The following CAMKMT variants were observed in gnomAD, a reference collection of about 807,000 sequenced individuals.
CAMKMT encodes the protein calmodulin-lysine N-methyltransferase.
CAMKMT carries 53 observed loss-of-function variants against 48.0 expected under a neutral mutation model. The observed-to-expected ratio is 1.10, with a 90% confidence interval of 0.89 to 1.39. The LOEUF is 1.39. Ranked by LOEUF, CAMKMT falls within the 40% of genes most tolerant of loss-of-function variation. The pLI is 0.00. For synonymous variants in CAMKMT, 165 were observed against 152.3 expected, an observed-to-expected ratio of 1.08 and a Z score of -0.61; for missense variants, 428 against 402.7, an observed-to-expected ratio of 1.06 and a Z score of -0.54.
At chr2:44,516,866 C>T (rs988951474) in intron 3 of CAMKMT, among the ~76,000 whole-genome samples, 3 of 151,756 alleles carry the variant, frequency 2.0e-5, no homozygotes, top group Non-Finnish European at 4.4e-5. Flanking sequence ...CTCAGCCTCC[C>T]GAGTAGCAGG....
intron 3 of CAMKMT, among the ~76,000 whole-genome samples, chr2:44,622,478 C>T (rs1246241517): frequency 1.3e-5 from 2 of 152,196 alleles, no homozygotes; most frequent in African/African-American, 2.4e-5. Context: ...CGCAGTTTTT[C>T]AACCCCTGTC....
At chr2:44,685,888 A>T (rs75681133) in intron 3 of CAMKMT, among the ~76,000 whole-genome samples, 7 of 148,756 alleles carry the variant, frequency 4.7e-5, no homozygotes, top group Non-Finnish European at 1.0e-4. Context: ...ATGAGGTCAG[A>T]TTTTTTTTTT....
Position 44,704,937 on chromosome 2 carries a change from G to C in CAMKMT, c.437+594G>C, listed in dbSNP as rs62132353. Among the ~76,000 whole-genome samples the C allele has an allele frequency of 4.2e-3, 628 of 148,812 alleles. 2 individuals are homozygous for C. The highest frequency in any genetic ancestry group is 6.8e-3 in the Non-Finnish European group (456 of 67,214). ...AGATCGAACCCATGGATGGAATTTA[G>C]GAAAAAAAAAAAAAACTTTATTTGA... On this transcript the variant is annotated intron_variant, in intron 4 of 10. Coordinates refer to ENST00000378494, the MANE Select transcript of CAMKMT (RefSeq NM_024766.5).
At chr2:44,754,391 T>A (rs1168456697) in intron 9 of CAMKMT, among the ~76,000 whole-genome samples, 1 of 152,216 alleles carries the variant, frequency 6.6e-6, no homozygotes, top group Non-Finnish European at 1.5e-5. Context: ...TATCAAAGAA[T>A]TTCTTGAGTC....
intron 3 of CAMKMT, among the ~76,000 whole-genome samples, chr2:44,651,757 A>G (rs1674079564): frequency 6.6e-6 from 1 of 152,232 alleles, no homozygotes; most frequent in African/African-American, 2.4e-5. Flanking sequence ...CAACTTTCGT[A>G]TAATTTAAAA....
intron 9 of CAMKMT, among the ~76,000 whole-genome samples, chr2:44,763,512 A>G (rs913938096): frequency 6.6e-6 from 1 of 152,262 alleles, no homozygotes; most frequent in African/African-American, 2.4e-5. Flanking sequence ...AACGTAGTGA[A>G]TAAAACATTA....
At chr2:44,364,703 A>G (rs1407154231) in intron 1 of CAMKMT, among the ~76,000 whole-genome samples, 6 of 152,208 alleles carry the variant, frequency 3.9e-5, no homozygotes, top group Non-Finnish European at 5.9e-5. Context: ...GTGGCATACA[A>G]CAGTTAGTAT....
chr2:44,709,730 T>C (rs765420808), intron 6 of CAMKMT, among the ~76,000 whole-genome samples: 1 of 152,174 alleles, frequency 6.6e-6, no homozygotes, highest in African/African-American at 2.4e-5. Context: ...ACTGTTTACA[T>C]CTTTCCTTTA....
In CAMKMT at chr2:44,743,695, T is replaced by G; in HGVS notation, c.697T>G (p.Cys233Gly). ...GHFDIVMCAD[C>G]LFLDQYRASL... ...TTTTGACATTGTTATGTGTGCTGAC[T>G]GGTAAGTACATAAAAATCACAAAAC... Residue 233 changes from cysteine (C) to glycine (G), a missense_variant and splice_region_variant, in exon 8 of 11, where the codon TGC becomes GGC. Cys to Gly is a radical substitution (Grantham distance 159). Transcript: ENST00000378494. 1 of 1,608,606 alleles carries G rather than the reference T, an allele frequency of 6.2e-7. No individual in the cohort carries two copies. The highest frequency in any genetic ancestry group is 8.5e-7 in the Non-Finnish European group (1 of 1,175,740).
chr2:44,370,377 C>T (rs937712246), intron 1 of CAMKMT, among the ~76,000 whole-genome samples: 4 of 151,992 alleles, frequency 2.6e-5, no homozygotes, highest in East Asian at 1.9e-4. Context: ...TCGGATTTTC[C>T]GTTTCTTCTT....
intron 3 of CAMKMT, among the ~76,000 whole-genome samples, chr2:44,540,109 T>G (rs1024496527): frequency 6.6e-6 from 1 of 151,740 alleles, no homozygotes; most frequent in Non-Finnish European, 1.5e-5. Context: ...TAATTGGCAT[T>G]CTGTTATAAG....
intron 7 of CAMKMT, among the ~76,000 whole-genome samples, chr2:44,740,767 G>T (rs915839704): frequency 6.6e-6 from 1 of 152,098 alleles, no homozygotes; most frequent in Non-Finnish European, 1.5e-5. Context: ...GAAGTTGAGG[G>T]TGTATGCAAG....
intron 3 of CAMKMT, among the ~76,000 whole-genome samples, chr2:44,552,175 A>G (rs923739282): frequency 3.3e-5 from 5 of 152,046 alleles, no homozygotes; most frequent in African/African-American, 1.2e-4. Flanking sequence ...ATTCCACTCT[A>G]TGCCCATAGG....
intron 3 of CAMKMT, among the ~76,000 whole-genome samples, chr2:44,486,439 A>C (rs760708429): frequency 1.3e-5 from 2 of 152,210 alleles, no homozygotes; most frequent in Non-Finnish European, 2.9e-5. Context: ...AGAGCAGAGG[A>C]AAAGCAGTCT....
intron 10 of CAMKMT, among the ~76,000 whole-genome samples, chr2:44,769,573 G>C (rs1338963702): frequency 6.6e-6 from 1 of 152,146 alleles, no homozygotes; most frequent in Non-Finnish European, 1.5e-5. Context: ...CGAGATTACA[G>C]CTGGCTTGAT....
At chr2:44,534,839 G>A (rs372029754) in intron 3 of CAMKMT, among the ~76,000 whole-genome samples, 12 of 150,374 alleles carry the variant, frequency 8.0e-5, no homozygotes, top group African/African-American at 2.4e-4. Context: ...AGAACAAACC[G>A]AACCTAAAAT....
chr2:44,406,504 T>TGA (rs899120902), intron 3 of CAMKMT, among the ~76,000 whole-genome samples: 7 of 151,986 alleles, frequency 4.6e-5, no homozygotes, highest in African/African-American at 1.7e-4. Flanking sequence ...TGTGTGTGTG[T>TGA]GTTTAGCACA....
intron 3 of CAMKMT, among the ~76,000 whole-genome samples, chr2:44,614,935 G>GTTTTTT (rs1671789368): frequency 2.1e-4 from 7 of 33,874 alleles, no homozygotes; most frequent in Non-Finnish European, 3.7e-4. Context: ...TGGTCTCCTT[G>GTTTTTT]CTTTTTTTTT....
chr2:44,539,074 T>A lies in CAMKMT; in HGVS notation c.376+148769T>A, dbSNP rs972873736. Among the ~76,000 whole-genome samples, 43 of 149,954 alleles carry A rather than the reference T, an allele frequency of 2.9e-4. No homozygotes were observed. In the Admixed American group the frequency reaches 2.9e-3, roughly 10 times the overall value. The stretch of plus-strand genomic sequence containing the variant: ...ATCCTAGCACTTTGGGAGGCCGAGG[T>A]GGGTGGATTGCCTGAGCTCAGGAGT... On this transcript the variant is annotated intron_variant, in intron 3 of 10. Coordinates refer to ENST00000378494, the MANE Select transcript of CAMKMT (RefSeq NM_024766.5).
Sources: allele counts gnomAD v4.1 joint callset (sites outside exome capture counted in the v4.1 genomes callset), GRCh38; gene constraint gnomAD v4.1.1; transcripts MANE v1.5; gene names NCBI Gene and HGNC (gene_info 2026-07-23, HGNC 2026-07-21).